ESD: variants seen among roughly 807,000 people sequenced by gnomAD.
The protein encoded by ESD is S-formylglutathione hydrolase.
In ESD, 34 loss-of-function variants were observed where a neutral mutation model predicts 38.1. The observed-to-expected ratio is 0.89, with a 90% confidence interval of 0.68 to 1.19. The LOEUF is 1.19. Among genes scored for constraint, ESD ranks in the 50% most tolerant of loss-of-function variants. The probability of loss-of-function intolerance (pLI) is 0.00; values close to 1 mark genes in which losing one functional copy is unlikely to be tolerated. For missense variants in ESD, 334 were observed against 327.2 expected, an observed-to-expected ratio of 1.02 and a Z score of -0.16; for synonymous variants, 97 against 107.0, an observed-to-expected ratio of 0.91 and a Z score of 0.58.
At chr13:46,775,692 G>A (rs573316490) in intron 9 of ESD, 1 of 469,720 alleles carries the variant, frequency 2.1e-6, no homozygotes, top group African/African-American at 2.0e-5. Context: ...ACCCGACCAT[G>A]CTGGAAGTAA....
intron 6 of ESD, among the ~76,000 whole-genome samples, chr13:46,781,837 T>G (rs968784984): frequency 6.6e-6 from 1 of 151,830 alleles, no homozygotes; most frequent in Non-Finnish European, 1.5e-5. Flanking sequence ...GAAAACACTT[T>G]AGGAAGGTGA....
At chr13:46,775,839 G>A in intron 9 of ESD, 1 of 278,732 alleles carries the variant, frequency 3.6e-6, no homozygotes, top group Non-Finnish European at 7.4e-6. Flanking sequence ...AGTTGCTTGG[G>A]ATACAGGCAT....
chr13:46,792,352 T>C (rs947680757), intron 2 of ESD, among the ~76,000 whole-genome samples: 3 of 152,060 alleles, frequency 2.0e-5, no homozygotes, highest in African/African-American at 7.2e-5. Context: ...AGAAATGCAC[T>C]ACTACATGCT....
At position 46,771,292 on chromosome 13, in the gene ESD, T is replaced by C; in HGVS notation, c.*124A>G. 1 of 592,598 alleles carries C rather than the reference T, an allele frequency of 1.7e-6. No homozygotes were observed. Among genetic ancestry groups the C allele is most frequent in the South Asian group, 2.3e-5 (1 of 42,712 alleles). The allele number at this position is 592,598 out of a possible 1,614,324, so 36.7% of individuals were successfully genotyped here. On this transcript the variant is annotated 3_prime_UTR_variant, in exon 10 of 10. Transcript: ENST00000378720. The stretch of plus-strand genomic sequence containing the variant: ...TCTTTATTCAGAGGTGATTCAACTA[T>C]AGAATAAAGCCCTTTTAGCACTATA...
At chr13:46,791,549 AT>A (rs34380585) in intron 2 of ESD, 129 bp from the exon 3 acceptor site, 2 of 640,378 alleles carry the variant, frequency 3.1e-6, no homozygotes, top group Non-Finnish European at 5.4e-6. Context: ...TTTTTTTCAC[AT>A]TTTTCTCCAG....
chr13:46,795,296 G>A (rs1875534934), intron 1 of ESD, among the ~76,000 whole-genome samples: 1 of 152,182 alleles, frequency 6.6e-6, no homozygotes, highest in African/African-American at 2.4e-5. Flanking sequence ...ACTGGTCAAC[G>A]GATCCCTACC....
intron 5 of ESD, 49 bp downstream of exon 5, chr13:46,784,203 C>A: frequency 6.9e-7 from 1 of 1,447,650 alleles, no homozygotes; most frequent in South Asian, 1.2e-5. Context: ...TTATACCAGT[C>A]TTAAAGATTT....
chr13:46,792,776 T>A (rs547168752), intron 2 of ESD, among the ~76,000 whole-genome samples: 4 of 152,212 alleles, frequency 2.6e-5, no homozygotes, highest in Admixed American at 6.5e-5. Context: ...CTTTAGCTAC[T>A]GTTAACAATC....
At chr13:46,787,935 T>C (rs1039057367) in intron 3 of ESD, among the ~76,000 whole-genome samples, 5 of 151,984 alleles carry the variant, frequency 3.3e-5, no homozygotes, top group Non-Finnish European at 7.4e-5. Flanking sequence ...TATTACTGCT[T>C]CTAGATTTTT....
intron 8 of ESD, 70 bp from the exon 9 acceptor site, chr13:46,777,693 A>C (rs1874855171): frequency 9.9e-6 from 12 of 1,209,622 alleles, no homozygotes; most frequent in Non-Finnish European, 1.0e-5. Flanking sequence ...TACTAGTACC[A>C]AACAGAAATT....
intron 1 of ESD, among the ~76,000 whole-genome samples, chr13:46,796,488 A>C (rs1239419711): frequency 6.6e-6 from 1 of 152,216 alleles, no homozygotes; most frequent in African/African-American, 2.4e-5. Context: ...AGGTGCGCTC[A>C]ATCCCATTTC....
chr13:46,793,188 AAT>A (rs1875456521), intron 2 of ESD, among the ~76,000 whole-genome samples: 1 of 152,158 alleles, frequency 6.6e-6, no homozygotes, highest in African/African-American at 2.4e-5. Context: ...AAATCAAAAA[AAT>A]ATGTTAGGCT....
intron 5 of ESD, 102 bp from the exon 6 acceptor site, chr13:46,782,893 G>A: frequency 7.2e-7 from 1 of 1,389,430 alleles, no homozygotes; most frequent in African/African-American, 1.4e-5. Context: ...CATGGGAACT[G>A]TTCACCAAAT....
At chr13:46,788,694 C>T (rs532328189) in intron 3 of ESD, among the ~76,000 whole-genome samples, 41 of 136,348 alleles carry the variant, frequency 3.0e-4, no homozygotes, top group Admixed American at 8.0e-4. Context: ...AAAAAAAACA[C>T]AACAGGATTA....
rs1875216627 is a variant in ESD at position 46,787,006 on chromosome 13, AT to A, written c.157+14del. On this transcript the variant is annotated intron_variant, in intron 4 of 9. Coordinates refer to ENST00000378720, the MANE Select transcript of ESD (RefSeq NM_001984.2). ...ATAGAAACGACTTTATAAAACTCAA[AT>A]GCATAATACTTACCTGAGAGCCAAT... 1 of 1,418,194 alleles carries A rather than the reference AT, an allele frequency of 7.1e-7. No homozygotes were observed. Among genetic ancestry groups the A allele is most frequent in the South Asian group, 1.7e-5 (1 of 59,442 alleles). The allele number at this position is 1,418,194 out of a possible 1,614,324, so 87.9% of individuals were successfully genotyped here. A position where few individuals can be genotyped will look rare whatever the true frequency, so the allele number is the denominator to read the frequency against.
In ESD at chr13:46,797,090, C is replaced by T. The variant is rs969950015; in HGVS notation, c.-56+15G>A. 6.6e-6 allele frequency: 1 copy of T among 152,378 alleles called. No individual in the cohort carries two copies. The highest frequency in any genetic ancestry group is 1.5e-5 in the Non-Finnish European group (1 of 68,154). 9.4% of individuals were successfully genotyped at this position (152,378 alleles called of 1,614,324 possible). On this transcript the variant is annotated intron_variant, in intron 1 of 9. Coordinates refer to ENST00000378720, the MANE Select transcript of ESD (RefSeq NM_001984.2). ...GGCTGACAACGTCCAGGCCTCTACC[C>T]GAACCCAGTCTTACCTACGGTGGCG...
At chr13:46,772,093 AAC>A (rs1358533098) in intron 9 of ESD, among the ~76,000 whole-genome samples, 1 of 152,212 alleles carries the variant, frequency 6.6e-6, no homozygotes, top group African/African-American at 2.4e-5. Flanking sequence ...TGGGAAGTCA[AAC>A]ACAGCCATCA....
intron 9 of ESD, among the ~76,000 whole-genome samples, chr13:46,771,706 G>GA (rs1156860797): frequency 6.6e-6 from 1 of 152,090 alleles, no homozygotes; most frequent in Non-Finnish European, 1.5e-5. Context: ...AAATGTGAAG[G>GA]AAAACTAAAC....
intron 3 of ESD, chr13:46,790,639 TG>T (rs1443049266): frequency 2.0e-5 from 3 of 152,242 alleles, no homozygotes; most frequent in African/African-American, 4.8e-5. Context: ...TCCATAAAGC[TG>T]GGACACTCTC....
Sources: gnomAD v4.1 joint callset for allele counts (sites outside exome capture counted in the v4.1 genomes callset) on GRCh38, gnomAD v4.1.1 for gene constraint, MANE v1.5 for transcripts, NCBI Gene and HGNC (gene_info 2026-07-23, HGNC 2026-07-21) for gene names.